The following TLCD4 variants were observed in gnomAD, a reference collection of about 807,000 sequenced individuals.
TLCD4 encodes the protein TLC domain-containing protein 4.
In TLCD4, 7 loss-of-function variants were observed where a neutral mutation model predicts 24.2. The ratio of observed to expected loss-of-function variants is 0.29; its 90% CI spans 0.16 to 0.54. TLCD4 has a LOEUF of 0.54. Ranked by LOEUF, TLCD4 falls within the 20% of genes least tolerant of loss-of-function variation. TLCD4 has a pLI of 0.95. For missense variants in TLCD4, 259 were observed against 313.9 expected (o/e 0.82, Z 1.32); for synonymous variants, 103 against 106.4 (o/e 0.97, Z 0.20).
intron 1 of TLCD4, among the ~76,000 whole-genome samples, chr1:95,136,966 C>T (rs1355037111): frequency 6.6e-6 from 1 of 151,640 alleles, no homozygotes; most frequent in Non-Finnish European, 1.5e-5. Flanking sequence ...ACAAATGGAG[C>T]CCATCCAGAG....
intron 2 of TLCD4, among the ~76,000 whole-genome samples, chr1:95,147,971 A>G (rs1390744911): frequency 6.6e-6 from 1 of 152,200 alleles, no homozygotes; most frequent in African/African-American, 2.4e-5. Context: ...TATTCCTTCT[A>G]TACAAGAAAA....
Position 95,117,606 on chromosome 1 carries a change from G to C in TLCD4, c.-23G>C, listed in dbSNP as rs951776171. On this transcript the variant is annotated 5_prime_UTR_variant, in exon 1 of 7. Transcript: ENST00000370203. ...GCCGCCCGCGCGCGACTCGCCCCGG[G>C]ACCCGGCACAGGTGACGCCGTTTGG... is the stretch of plus-strand genomic sequence containing the variant. 6.5e-6 allele frequency: 1 copy of C among 153,332 alleles called. No individual in the cohort carries two copies. The highest frequency in any genetic ancestry group is 2.4e-5 in the African/African-American group (1 of 41,388). The allele number at this position is 153,332 out of a possible 1,614,324, so 9.5% of individuals were successfully genotyped here.
chr1:95,191,991 T>C lies in TLCD4; in HGVS notation c.*123T>C. The stretch of plus-strand genomic sequence containing the variant: ...TGTTATTCAGGATTTCAGTGTCATT[T>C]TTTTTAAACCTTAGAAAAGAGAAGG... On this transcript the variant is annotated 3_prime_UTR_variant, in exon 7 of 7. Coordinates refer to ENST00000370203, the MANE Select transcript of TLCD4 (RefSeq NM_152487.3). 1 of 1,452,138 alleles carries C rather than the reference T, an allele frequency of 6.9e-7. No individual in the cohort carries two copies. Among genetic ancestry groups the C allele is most frequent in the Non-Finnish European group, 9.0e-7 (1 of 1,110,766 alleles). The allele number at this position is 1,452,138 out of a possible 1,614,324, so 90.0% of individuals were successfully genotyped here.
chr1:95,127,294 A>T (rs1390579444), intron 1 of TLCD4, among the ~76,000 whole-genome samples: 3 of 152,200 alleles, frequency 2.0e-5, no homozygotes, highest in Non-Finnish European at 4.4e-5. Flanking sequence ...GAACAGCCAC[A>T]AGAAGAAAAA....
chr1:95,124,732 T>C (rs1274243479), intron 1 of TLCD4, among the ~76,000 whole-genome samples: 2 of 152,220 alleles, frequency 1.3e-5, no homozygotes, highest in Non-Finnish European at 2.9e-5. Context: ...TTCAGTGGAA[T>C]TGCTATGAGT....
intron 1 of TLCD4, among the ~76,000 whole-genome samples, chr1:95,140,914 C>T (rs1438894091): frequency 1.3e-5 from 2 of 152,176 alleles, no homozygotes; most frequent in Non-Finnish European, 2.9e-5. Context: ...CTGCTTCCTA[C>T]CAGAAGCCTT....
intron 5 of TLCD4, among the ~76,000 whole-genome samples, chr1:95,163,065 G>C (rs1294401428): frequency 6.6e-6 from 1 of 152,192 alleles, no homozygotes; most frequent in African/African-American, 2.4e-5. Flanking sequence ...CTAGGTTGGG[G>C]AAGTTCTCCT....
At chr1:95,104,269 A>G in the TLCD4 span, among the ~76,000 whole-genome samples, 1 of 152,198 alleles carries the variant, frequency 6.6e-6, no homozygotes, top group Non-Finnish European at 1.5e-5. Flanking sequence ...CCCACCTTGC[A>G]GGGTGCAATG....
intron 6 of TLCD4, among the ~76,000 whole-genome samples, chr1:95,179,403 C>T (rs76807452): frequency 0.027 from 4,112 of 152,326 alleles, 85 homozygotes; most frequent in Non-Finnish European, 0.039. Context: ...TACTGGAGCA[C>T]AGCCATGTTC....
At chr1:95,150,304 A>G (rs1677459714) in intron 4 of TLCD4, 38 bp downstream of exon 4, 3 of 1,600,946 alleles carry the variant, frequency 1.9e-6, no homozygotes, top group Admixed American at 1.7e-5. Context: ...ATTCCTTGTA[A>G]ACTACTCACG....
chr1:95,151,547 G>A (rs527477841), intron 5 of TLCD4, 128 bp downstream of exon 5: 1 of 1,077,980 alleles, frequency 9.3e-7, no homozygotes, highest in African/African-American at 1.6e-5. Context: ...TTCAGGGATT[G>A]CTTTTGTGGT....
intron 1 of TLCD4, chr1:95,138,475 T>A (rs76203186): frequency 4.6e-5 from 7 of 152,284 alleles, no homozygotes; most frequent in East Asian, 1.9e-4. Flanking sequence ...TTCTAAGAAA[T>A]GTGTCCTTAA....
intron 6 of TLCD4, among the ~76,000 whole-genome samples, chr1:95,184,956 T>TG (rs1678776427): frequency 6.6e-6 from 1 of 152,152 alleles, no homozygotes; most frequent in Non-Finnish European, 1.5e-5. Context: ...GACCAGGCAC[T>TG]GGTTAGATGG....
At chr1:95,098,113 T>C in the TLCD4 span, among the ~76,000 whole-genome samples, 3 of 152,200 alleles carry the variant, frequency 2.0e-5, no homozygotes, top group African/African-American at 7.2e-5. Flanking sequence ...ATGATCTGTG[T>C]ACTCTCATTT....
chr1:95,179,351 C>G (rs1317439060), intron 6 of TLCD4, among the ~76,000 whole-genome samples: 1 of 152,184 alleles, frequency 6.6e-6, no homozygotes, highest in African/African-American at 2.4e-5. Context: ...CCATGCATGG[C>G]TCATGGGCCA....
chr1:95,142,543 G>A (rs1677232666), intron 1 of TLCD4, among the ~76,000 whole-genome samples: 1 of 152,146 alleles, frequency 6.6e-6, no homozygotes, highest in Admixed American at 6.5e-5. Flanking sequence ...CAGGGTGGGA[G>A]TTGGTCCTAC....
At chr1:95,168,363 C>G (rs1296092257) in intron 5 of TLCD4, among the ~76,000 whole-genome samples, 1 of 152,016 alleles carries the variant, frequency 6.6e-6, no homozygotes, top group African/African-American at 2.4e-5. Flanking sequence ...ATTCCCCTGC[C>G]TCTTCTACTT....
intron 1 of TLCD4, among the ~76,000 whole-genome samples, chr1:95,136,356 T>A (rs997896355): frequency 6.6e-6 from 1 of 152,210 alleles, no homozygotes; most frequent in African/African-American, 2.4e-5. Flanking sequence ...GTCCTATACT[T>A]TGGTATTGCC....
chr1:95,111,133 TAA>T, the TLCD4 span, among the ~76,000 whole-genome samples: 2 of 146,766 alleles, frequency 1.4e-5, no homozygotes, highest in Non-Finnish European at 1.5e-5. Flanking sequence ...CCACATAAAA[TAA>T]AAAAAAAAAA....
Sources: allele counts gnomAD v4.1 joint callset (sites outside exome capture counted in the v4.1 genomes callset), GRCh38; gene constraint gnomAD v4.1.1; transcripts MANE v1.5; gene names NCBI Gene and HGNC (gene_info 2026-07-23, HGNC 2026-07-21).